The following VPS39 variants were observed in gnomAD, a reference collection of about 807,000 sequenced individuals.
VPS39 encodes vam6/Vps39-like protein.
VPS39 carries 70 observed loss-of-function variants against 121.0 expected under a neutral mutation model. The ratio of observed to expected loss-of-function variants is 0.58; its 90% CI spans 0.48 to 0.71. VPS39 has a LOEUF of 0.71. Among genes scored for constraint, VPS39 ranks in the 30% least tolerant of loss-of-function variants. The pLI, the probability that VPS39 is intolerant of heterozygous loss-of-function variation, is 0.00. For synonymous variants in VPS39, 378 were observed against 398.1 expected, an observed-to-expected ratio of 0.95 and a Z score of 0.60; for missense variants, 818 against 1,051.5, an observed-to-expected ratio of 0.78 and a Z score of 3.07.
intron 8 of VPS39, among the ~76,000 whole-genome samples, chr15:42,181,869 C>A (rs1188166054): frequency 1.3e-5 from 2 of 152,144 alleles, no homozygotes; most frequent in Non-Finnish European, 2.9e-5. Context: ...GCACGATGCC[C>A]AGCTAATTTC....
Position 42,162,025 on chromosome 15 carries a change from T to C in VPS39, c.2460+7A>G, listed in dbSNP as rs370894144. ...CCCACCCTAGAGTTTGGAAGGCCCATACCTACCCTCAGGAATTCTGCATGG... is the reference window on the plus strand; with the variant it reads ...CCCACCCTAGAGTTTGGAAGGCCCACACCTACCCTCAGGAATTCTGCATGG... On this transcript the variant is annotated splice_region_variant and intron_variant, in intron 23 of 24. Transcript: ENST00000318006. The C allele has an allele frequency of 5.0e-6, 8 of 1,614,082 alleles. No homozygotes were observed. In the African/African-American group the frequency reaches 8.0e-5, roughly 16 times the overall value.
chr15:42,171,048 A>G (rs2049339118), intron 11 of VPS39, among the ~76,000 whole-genome samples: 1 of 152,116 alleles, frequency 6.6e-6, no homozygotes, highest in Non-Finnish European at 1.5e-5. Flanking sequence ...CCCAGATTGT[A>G]ACAGCAAAAT....
At chr15:42,178,879 C>T (rs1201163127) in intron 8 of VPS39, 2 of 265,810 alleles carry the variant, frequency 7.5e-6, no homozygotes, top group Non-Finnish European at 1.5e-5. Flanking sequence ...TGGTGGTGCA[C>T]ACCTGTAGTC....
intron 2 of VPS39, among the ~76,000 whole-genome samples, chr15:42,193,319 G>A (rs2049868887): frequency 6.6e-6 from 1 of 152,084 alleles, no homozygotes; most frequent in Non-Finnish European, 1.5e-5. Context: ...AATCTGTTTT[G>A]ATAATTTAAT....
chr15:42,173,532 C>T (rs2049386886), intron 11 of VPS39, 191 bp downstream of exon 11: 1 of 571,636 alleles, frequency 1.7e-6, no homozygotes, highest in Non-Finnish European at 2.8e-6. Flanking sequence ...TTGAGAAGAC[C>T]AGATTCATAG....
intron 22 of VPS39, 60 bp from the exon 23 acceptor site, chr15:42,162,226 T>C (rs1012136093): frequency 2.5e-6 from 4 of 1,609,764 alleles, no homozygotes; most frequent in Non-Finnish European, 3.4e-6. Flanking sequence ...AATGAAGAAA[T>C]GTCTGCAGCC....
chr15:42,200,190 G>A (rs2050037918), intron 1 of VPS39, among the ~76,000 whole-genome samples: 1 of 151,998 alleles, frequency 6.6e-6, no homozygotes, highest in African/African-American at 2.4e-5. Context: ...TAATTACTAG[G>A]CTAGACATAT....
chr15:42,165,157 G>A (rs1159531318), intron 17 of VPS39, 44 bp from the exon 18 acceptor site: 1 of 1,576,628 alleles, frequency 6.3e-7, no homozygotes, highest in Non-Finnish European at 8.7e-7. Flanking sequence ...TCTCCAGGCT[G>A]TGACCTGGTC....
chr15:42,204,686 A>G lies in VPS39; in HGVS notation c.73+3395T>C, dbSNP rs573930308. On this transcript the variant is annotated intron_variant, in intron 1 of 24. Transcript: ENST00000318006. The stretch of plus-strand genomic sequence containing the variant: ...ATGAAATAAAATAAAATAAAATAAA[A>G]TTAAATTAAATTTTATTTGTTTTTA... 3.9e-4 allele frequency among the ~76,000 whole-genome samples: 59 copies of G among 151,660 alleles called. 1 individual carries two copies. The South Asian group carries it at 0.012, about 31-fold the overall frequency.
At chr15:42,177,744 G>A (rs982220182) in intron 10 of VPS39, among the ~76,000 whole-genome samples, 2 of 151,640 alleles carry the variant, frequency 1.3e-5, no homozygotes, top group South Asian at 2.1e-4. Flanking sequence ...TTGGCTCACC[G>A]CAACCTCTAC....
rs1403272609 is a variant in VPS39, at chr15:42,159,470, T to C, written c.*1284A>G. On this transcript the variant is annotated 3_prime_UTR_variant, in exon 25 of 25. Coordinates refer to ENST00000318006, the MANE Select transcript of VPS39 (RefSeq NM_015289.5). ...CTCCCTGTGTGTCATCAGCCTGCAG[T>C]GCCTGAAACTCCAGCCTGTGCACCT... The C allele has an allele frequency of 6.6e-6, 1 of 152,296 alleles. No homozygotes were observed. Among genetic ancestry groups the C allele is most frequent in the Non-Finnish European group, 1.5e-5 (1 of 68,116 alleles). 9.4% of individuals were successfully genotyped at this position (152,296 alleles called of 1,614,324 possible). A position where few individuals can be genotyped will look rare whatever the true frequency, so the allele number is the denominator to read the frequency against.
chr15:42,164,456 T>C lies in VPS39; in HGVS notation c.1928A>G (p.Glu643Gly), dbSNP rs1450376343. ...TTGCCGGTATTCTCCCAGCTCACCCTCTTCCTCTCCAGCTGGGACTGGGGT... is the reference window on the plus strand; with the variant it reads ...TTGCCGGTATTCTCCCAGCTCACCCCCTTCCTCTCCAGCTGGGACTGGGGT... Reference protein sequence around the residue: ...GKTPVPAGEEEGELGEYRQKL... With the variant: ...GKTPVPAGEEGGELGEYRQKL... The change falls in exon 19 of 25, where the codon GAG becomes GGG. Residue 643 changes from glutamate to glycine, a missense_variant. Glu to Gly is a moderately conservative substitution (Grantham distance 98). Transcript: ENST00000318006. 1.9e-6 allele frequency: 3 copies of C among 1,614,068 alleles called. No homozygotes were observed. Among genetic ancestry groups the C allele is most frequent in the Non-Finnish European group, 2.5e-6 (3 of 1,179,926 alleles).
At chr15:42,188,921 G>A (rs1213460905) in intron 5 of VPS39, among the ~76,000 whole-genome samples, 193 bp downstream of exon 5, 5 of 152,102 alleles carry the variant, frequency 3.3e-5, no homozygotes, top group South Asian at 2.1e-4. Flanking sequence ...AGCCGAGATC[G>A]TGCCACTACA....
At chr15:42,193,311 T>C (rs2049868668) in intron 2 of VPS39, among the ~76,000 whole-genome samples, 1 of 152,224 alleles carries the variant, frequency 6.6e-6, no homozygotes, top group African/African-American at 2.4e-5. Context: ...CTGCATTTAA[T>C]CTGTTTTGAT....
At position 42,193,903 on chromosome 15, in the gene VPS39, C is replaced by T. The variant is rs148761936; in HGVS notation, c.140-2343G>A. Among the ~76,000 whole-genome samples, 30 of 150,502 alleles carry T rather than the reference C, an allele frequency of 2.0e-4. No homozygotes were observed. In the East Asian group the frequency reaches 5.6e-3, roughly 28 times the overall value. On this transcript the variant is annotated intron_variant, in intron 2 of 24. Transcript: ENST00000318006. ...TCTAAATGGTCTGAAAAAACCACAA[C>T]CTGTCATTCTTTCAAACAAAAATAA...
chr15:42,199,406 A>G (rs906285898), intron 2 of VPS39, among the ~76,000 whole-genome samples: 1 of 152,150 alleles, frequency 6.6e-6, no homozygotes, highest in Non-Finnish European at 1.5e-5. Flanking sequence ...GATGTTGGAA[A>G]GAACTTGCTC....
chr15:42,181,817 C>T (rs2049587383), intron 8 of VPS39, among the ~76,000 whole-genome samples: 2 of 152,178 alleles, frequency 1.3e-5, no homozygotes, highest in South Asian at 2.1e-4. Flanking sequence ...TCAAGCAATC[C>T]TCCCACCTCA....
chr15:42,184,368 T>TA (rs1743016005), intron 8 of VPS39, 149 bp downstream of exon 8: 3 of 749,264 alleles, frequency 4.0e-6, no homozygotes, highest in Non-Finnish European at 5.8e-6. Context: ...TTAATGACCC[T>TA]AAAATGTCAT....
At chr15:42,196,254 G>C (rs1440323620) in intron 2 of VPS39, among the ~76,000 whole-genome samples, 1 of 152,006 alleles carries the variant, frequency 6.6e-6, no homozygotes, top group African/African-American at 2.4e-5. Context: ...TCAGGACACA[G>C]GCATGGGCAA....
Sources: gnomAD v4.1 joint callset for allele counts (sites outside exome capture counted in the v4.1 genomes callset) on GRCh38, gnomAD v4.1.1 for gene constraint, MANE v1.5 for transcripts, NCBI Gene and HGNC (gene_info 2026-07-23, HGNC 2026-07-21) for gene names.